Variants in CEMIP observed in about 807,000 individuals in gnomAD.
CEMIP encodes the protein cell migration-inducing and hyaluronan-binding protein.
In CEMIP, 105 loss-of-function variants were observed where a neutral mutation model predicts 156.9. That is an observed-to-expected ratio of 0.67 (90% CI 0.57 to 0.79). The LOEUF is 0.79. CEMIP is among the 30% of genes least tolerant of loss of function. The pLI is 0.00. For missense variants in CEMIP, 1,457 were observed against 1,769.4 expected (o/e 0.82, Z 3.17); for synonymous variants, 676 against 668.4 (o/e 1.01, Z -0.17).
At chr15:80,820,584 C>T (rs1387685338) in intron 1 of CEMIP, among the ~76,000 whole-genome samples, 2 of 152,170 alleles carry the variant, frequency 1.3e-5, no homozygotes, top group South Asian at 4.1e-4. Flanking sequence ...AGCCAAGTGA[C>T]CCTGAACTAC....
chr15:80,781,628 G>A (rs578011722), intron 1 of CEMIP, among the ~76,000 whole-genome samples: 1 of 150,968 alleles, frequency 6.6e-6, no homozygotes, highest in South Asian at 2.1e-4. Flanking sequence ...GACAAAGGCC[G>A]ACGGAGAGTA....
At chr15:80,934,660 G>A (rs988220643) in intron 23 of CEMIP, among the ~76,000 whole-genome samples, 2 of 152,182 alleles carry the variant, frequency 1.3e-5, no homozygotes, top group African/African-American at 2.4e-5. Context: ...GCTAAATGGT[G>A]GTTTGGGGGT....
chr15:80,850,285 T>G (rs1897681426), intron 1 of CEMIP, among the ~76,000 whole-genome samples: 1 of 152,068 alleles, frequency 6.6e-6, no homozygotes. Context: ...ATTGTCATCT[T>G]CTTTTTTTTG....
chr15:80,813,587 C>A (rs1013281191), intron 1 of CEMIP, among the ~76,000 whole-genome samples: 4 of 152,006 alleles, frequency 2.6e-5, no homozygotes, highest in Admixed American at 6.5e-5. Flanking sequence ...CTCAGGTGAT[C>A]CACCTGCGTT....
intron 1 of CEMIP, among the ~76,000 whole-genome samples, chr15:80,853,168 A>T (rs1329452811): frequency 1.3e-5 from 2 of 152,236 alleles, no homozygotes; most frequent in Non-Finnish European, 2.9e-5. Flanking sequence ...GGGAGAAAAA[A>T]GTCAGATCAC....
intron 28 of CEMIP, 29 bp from the exon 29 acceptor site, chr15:80,946,936 T>G: frequency 1.3e-6 from 2 of 1,504,170 alleles, no homozygotes; most frequent in South Asian, 2.3e-5. Flanking sequence ...GCTCTCTCCC[T>G]CTGGTCTAAT....
intron 21 of CEMIP, among the ~76,000 whole-genome samples, chr15:80,930,939 C>T (rs11856131): frequency 0.012 from 1,787 of 152,336 alleles, 31 homozygotes; most frequent in African/African-American, 0.041. Flanking sequence ...CAAGCCTAGA[C>T]TGGGGCCAGG....
intron 7 of CEMIP, among the ~76,000 whole-genome samples, chr15:80,887,379 G>A (rs765173019): frequency 6.6e-6 from 1 of 152,186 alleles, no homozygotes; most frequent in African/African-American, 2.4e-5. Flanking sequence ...CCTGGCGGGT[G>A]GTATAGTAGG....
chr15:80,862,227 G>T (rs1898004211), intron 1 of CEMIP, among the ~76,000 whole-genome samples: 1 of 152,212 alleles, frequency 6.6e-6, no homozygotes, highest in South Asian at 2.1e-4. Context: ...TTATAAGGAG[G>T]CTGAGGAGCC....
intron 1 of CEMIP, among the ~76,000 whole-genome samples, chr15:80,783,923 C>G (rs1489762989): frequency 6.6e-6 from 1 of 152,208 alleles, no homozygotes; most frequent in African/African-American, 2.4e-5. Flanking sequence ...GGAGCTGCTA[C>G]TCCTCTCTGC....
intron 12 of CEMIP, among the ~76,000 whole-genome samples, chr15:80,901,439 C>T (rs546232253): frequency 9.9e-5 from 15 of 152,242 alleles, no homozygotes; most frequent in African/African-American, 3.4e-4. Context: ...TGGTGGCTTA[C>T]GCTTGTAATC....
intron 1 of CEMIP, among the ~76,000 whole-genome samples, chr15:80,867,882 T>C (rs1349901314): frequency 6.6e-6 from 1 of 151,958 alleles, no homozygotes; most frequent in African/African-American, 2.4e-5. Flanking sequence ...GGGGGCGGCG[T>C]GTTTGGCTGC....
At chr15:80,819,485 T>C (rs1896862328) in intron 1 of CEMIP, among the ~76,000 whole-genome samples, 1 of 152,230 alleles carries the variant, frequency 6.6e-6, no homozygotes, top group Non-Finnish European at 1.5e-5. Context: ...GGGATCTTTG[T>C]CATATCCATT....
At chr15:80,917,795 C>T (rs1900325812) in intron 14 of CEMIP, among the ~76,000 whole-genome samples, 1 of 152,184 alleles carries the variant, frequency 6.6e-6, no homozygotes, top group Non-Finnish European at 1.5e-5. Context: ...TGGCAAATCA[C>T]TTGCTTTCTC....
chr15:80,795,151 C>T (rs995164415), intron 1 of CEMIP, among the ~76,000 whole-genome samples: 2 of 152,024 alleles, frequency 1.3e-5, no homozygotes, highest in Admixed American at 1.3e-4. Context: ...GATCATGCAG[C>T]ATCTTTTAAA....
At position 80,937,954 on chromosome 15, in the gene CEMIP, C is replaced by T; in HGVS notation, c.3382C>T (p.His1128Tyr). 6.2e-7 allele frequency: 1 copy of T among 1,614,106 alleles called. No individual in the cohort carries two copies. Among genetic ancestry groups the T allele is most frequent in the South Asian group, 1.1e-5 (1 of 91,078 alleles). Residue 1128 changes from histidine to tyrosine, a missense_variant, in exon 25 of 30, where the codon CAC becomes TAC. By Grantham distance (83) the His-to-Tyr change is moderately conservative. Coordinates refer to ENST00000394685, the MANE Select transcript of CEMIP (RefSeq NM_001293298.2). Reference protein sequence around the residue: ...KVEQSYPGRSHYYWDEDSGLL... With the variant: ...KVEQSYPGRSYYYWDEDSGLL... ...GGAGCAGAGCTACCCTGGCAGGAGC[C>T]ACTACTACTGGGACGAGGACTCAGG... is the stretch of plus-strand genomic sequence containing the variant.
intron 1 of CEMIP, among the ~76,000 whole-genome samples, chr15:80,840,188 C>G (rs1393665441): frequency 6.6e-6 from 1 of 152,192 alleles, no homozygotes; most frequent in Non-Finnish European, 1.5e-5. Flanking sequence ...GATCAGTGTT[C>G]TCCAGGAGTC....
At position 80,950,089 on chromosome 15, in the gene CEMIP, C is replaced by T. The variant is rs1050252346; in HGVS notation, c.*1165C>T. 9 of 152,342 alleles carry T rather than the reference C, an allele frequency of 5.9e-5. No individual in the cohort carries two copies. The highest frequency in any genetic ancestry group is 1.0e-4 in the Non-Finnish European group (7 of 68,136). 9.4% of individuals were successfully genotyped at this position (152,342 alleles called of 1,614,324 possible). A position where few individuals can be genotyped will look rare whatever the true frequency, so the allele number is the denominator to read the frequency against. ...GAAGTCCACAGAAGTGAGCTCCTGC[C>T]TTAGGGCCTCATTTGCTCTTCATCC... On this transcript the variant is annotated 3_prime_UTR_variant, in exon 30 of 30. Transcript: ENST00000394685.
At chr15:80,799,798 C>A (rs952831465) in intron 1 of CEMIP, among the ~76,000 whole-genome samples, 3 of 152,132 alleles carry the variant, frequency 2.0e-5, no homozygotes, top group African/African-American at 7.2e-5. Flanking sequence ...AGGTCTTCAT[C>A]TTAAGTGAAA....
Sources: allele counts gnomAD v4.1 joint callset (sites outside exome capture counted in the v4.1 genomes callset), GRCh38; gene constraint gnomAD v4.1.1; transcripts MANE v1.5; gene names NCBI Gene and HGNC (gene_info 2026-07-23, HGNC 2026-07-21).